Variants in MGA observed in about 807,000 individuals in gnomAD.
The protein encoded by MGA is MAX gene-associated protein.
In MGA, 40 loss-of-function variants were observed where a neutral mutation model predicts 261.1. The observed-to-expected ratio is 0.15, with a 90% CI of 0.12 to 0.20. MGA has a LOEUF of 0.20. Among genes scored for constraint, MGA ranks in the 10% least tolerant of loss-of-function variants. The pLI is 1.00. For missense variants in MGA, 3,397 were observed against 3,630.5 expected (o/e 0.94, Z 1.65); for synonymous variants, 1,302 against 1,290.6 (o/e 1.01, Z -0.19).
At position 41,749,608 on chromosome 15, in the gene MGA, G is replaced by A. The variant is rs368984250; in HGVS notation, c.6001G>A (p.Val2001Ile). ...GGTTCTACAGTCAGAAGGAGAGGCT[G>A]TAGACCCTGAGGCTAATGTAATAAA... Residue 2001 changes from valine to isoleucine, a missense_variant, in exon 17 of 24, where the codon GTA (valine) becomes ATA (isoleucine). Physicochemically the swap from Val to Ile is conservative, Grantham distance 29. Coordinates refer to ENST00000219905, the MANE Select transcript of MGA (RefSeq NM_001164273.2). 3.1e-6 allele frequency: 5 copies of A among 1,613,760 alleles called. No homozygotes were observed. In the African/African-American group the frequency reaches 5.3e-5, roughly 17 times the overall value.
intron 1 of MGA, among the ~76,000 whole-genome samples, chr15:41,666,825 G>T (rs1022879164): frequency 9.2e-5 from 14 of 152,282 alleles, no homozygotes; most frequent in African/African-American, 2.9e-4. Context: ...GGATAATCTT[G>T]TATAGATATC....
intron 17 of MGA, chr15:41,751,774 CT>C (rs968701441): frequency 1.3e-5 from 2 of 152,054 alleles, no homozygotes; most frequent in Admixed American, 6.6e-5. Context: ...TTGCTGACCC[CT>C]GACATAAGGT....
intron 9 of MGA, among the ~76,000 whole-genome samples, chr15:41,726,531 C>T (rs2061256192): frequency 6.6e-6 from 1 of 151,994 alleles, no homozygotes; most frequent in Non-Finnish European, 1.5e-5. Context: ...GAGTTCGAGA[C>T]CAGCCTGGCC....
chr15:41,705,901 A>G (rs2060084400), intron 5 of MGA, among the ~76,000 whole-genome samples: 1 of 152,182 alleles, frequency 6.6e-6, no homozygotes, highest in South Asian at 2.1e-4. Context: ...AGGCTGTTTT[A>G]TTTGATTGAT....
chr15:41,633,799 T>C (rs1263742900), intron 1 of MGA, among the ~76,000 whole-genome samples: 1 of 152,176 alleles, frequency 6.6e-6, no homozygotes, highest in Non-Finnish European at 1.5e-5. Flanking sequence ...TCCAGTCATA[T>C]CGTTCCTCTG....
At chr15:41,707,963 T>A in intron 6 of MGA, 104 bp downstream of exon 6, 1 of 1,420,128 alleles carries the variant, frequency 7.0e-7, no homozygotes, top group Non-Finnish European at 9.6e-7. Context: ...TTAACATTAG[T>A]CTAAGATAGA....
At chr15:41,674,814 G>A (rs186739234) in intron 2 of MGA, among the ~76,000 whole-genome samples, 5 of 152,300 alleles carry the variant, frequency 3.3e-5, no homozygotes, top group African/African-American at 1.2e-4. Flanking sequence ...CACGGCGCCC[G>A]GCCAATAGTG....
intron 2 of MGA, among the ~76,000 whole-genome samples, chr15:41,695,592 T>C (rs549098483): frequency 6.6e-6 from 1 of 152,346 alleles, no homozygotes; most frequent in Admixed American, 6.5e-5. Flanking sequence ...TGTTTTTGGA[T>C]GAATTATACA....
At chr15:41,684,438 A>C (rs1465287733) in intron 2 of MGA, 1 of 443,924 alleles carries the variant, frequency 2.3e-6, no homozygotes, top group South Asian at 1.6e-5. Flanking sequence ...ACTTCTCAGA[A>C]GAATGAAACT....
chr15:41,674,259 C>T (rs1001220849), intron 2 of MGA, among the ~76,000 whole-genome samples: 33 of 151,920 alleles, frequency 2.2e-4, no homozygotes, highest in African/African-American at 7.0e-4. Flanking sequence ...TATAGTGGCG[C>T]GATCTTGGCT....
At chr15:41,627,754 A>T (rs947391822) in intron 1 of MGA, among the ~76,000 whole-genome samples, 1 of 152,248 alleles carries the variant, frequency 6.6e-6, no homozygotes, top group African/African-American at 2.4e-5. Context: ...TGAAGGGCTA[A>T]TTGTAGAAAG....
At chr15:41,626,462 G>T (rs759901530) in intron 1 of MGA, among the ~76,000 whole-genome samples, 1 of 151,528 alleles carries the variant, frequency 6.6e-6, no homozygotes, top group African/African-American at 2.4e-5. Context: ...TACTCTTGTT[G>T]CCCAGGCTAG....
At position 41,631,090 on chromosome 15, in the gene MGA, A is replaced by G. The variant is rs13379831; in HGVS notation, c.-68+9792A>G. On this transcript the variant is annotated intron_variant, in intron 1 of 8. Transcript: ENST00000566718. ...GACAATTTAATTGAGGAACTGAAAC[A>G]TAGGAAGGAATTTAATCTTAACAAG... Among the ~76,000 whole-genome samples, 225 of 152,328 alleles carry G rather than the reference A, an allele frequency of 1.5e-3. 1 individual carries two copies. Among genetic ancestry groups the G allele is most frequent in the African/African-American group, 5.3e-3 (219 of 41,576 alleles).
chr15:41,664,417 A>T (rs916613660), intron 1 of MGA, among the ~76,000 whole-genome samples: 2 of 152,224 alleles, frequency 1.3e-5, no homozygotes, highest in African/African-American at 4.8e-5. Flanking sequence ...ATTTTTAAAG[A>T]ATTGGTTAAA....
intron 9 of MGA, among the ~76,000 whole-genome samples, chr15:41,718,997 C>T (rs954509138): frequency 6.6e-6 from 1 of 151,816 alleles, no homozygotes; most frequent in African/African-American, 2.4e-5. Context: ...TAGGAAAATC[C>T]TAGGGAATCT....
chr15:41,741,346 C>CAAAAAA (rs11389766), intron 14 of MGA, among the ~76,000 whole-genome samples: 4 of 72,314 alleles, frequency 5.5e-5, no homozygotes, highest in South Asian at 6.1e-4. Flanking sequence ...ACTCCATCTC[C>CAAAAAA]AAAAAAAAAA....
intron 1 of MGA, among the ~76,000 whole-genome samples, chr15:41,639,435 T>G (rs1248336432): frequency 6.6e-6 from 1 of 152,088 alleles, no homozygotes; most frequent in African/African-American, 2.4e-5. Flanking sequence ...CCTCACAAGC[T>G]GATGGTTAAT....
rs1469764896 is a variant in MGA, at chr15:41,669,102, T to A, written c.208T>A (p.Cys70Ser). ...AGGGAAGATTTGCCTTCCAGCTGAT[T>A]GTACTGTGGGTGGAATCACTGTTAC... The change falls in exon 2 of 24, where the codon TGT becomes AGT. Residue 70 changes from cysteine (C) to serine (S), a missense_variant. Around this residue, in one of 9 missense-constraint regions of MGA, gnomAD observed 81 missense variants for 84.3 expected, o/e 0.96. Transcript: ENST00000219905. The A allele has an allele frequency of 6.2e-7, 1 of 1,610,488 alleles. No individual in the cohort carries two copies. The highest frequency in any genetic ancestry group is 1.7e-5 in the Admixed American group (1 of 59,980).
intron 2 of MGA, among the ~76,000 whole-genome samples, chr15:41,670,474 C>T (rs1409982012): frequency 6.6e-6 from 1 of 152,064 alleles, no homozygotes; most frequent in Admixed American, 6.6e-5. Flanking sequence ...TACAAAGCTT[C>T]AGTTATGCCA....
Sources: allele counts gnomAD v4.1 joint callset (sites outside exome capture counted in the v4.1 genomes callset), GRCh38; gene constraint gnomAD v4.1.1; regional missense constraint gnomAD v4.1.1; transcripts MANE v1.5; gene names NCBI Gene and HGNC (gene_info 2026-07-23, HGNC 2026-07-21).